SPARCL1: variants seen among roughly 807,000 people sequenced by gnomAD.
SPARCL1 encodes SPARC like 1.
SPARCL1 carries 52 observed loss-of-function variants against 67.1 expected under a neutral mutation model. The ratio of observed to expected loss-of-function variants is 0.78; its 90% confidence interval spans 0.62 to 0.98. The LOEUF is 0.98. SPARCL1 is among the 50% of genes least tolerant of loss of function. SPARCL1 has a pLI of 0.00. For synonymous variants in SPARCL1, 226 were observed against 267.8 expected, an observed-to-expected ratio of 0.84 and a Z score of 1.52; for missense variants, 717 against 782.4, an observed-to-expected ratio of 0.92 and a Z score of 1.00.
intron 10 of SPARCL1, among the ~76,000 whole-genome samples, chr4:87,478,005 T>TTC (rs1723650177): frequency 6.6e-6 from 1 of 152,192 alleles, no homozygotes; most frequent in Non-Finnish European, 1.5e-5. Context: ...TCCTCATACT[T>TTC]TCACCTCTTC....
intron 2 of SPARCL1, among the ~76,000 whole-genome samples, chr4:87,496,363 T>C (rs908126749): frequency 9.9e-5 from 15 of 152,048 alleles, no homozygotes; most frequent in African/African-American, 3.4e-4. Flanking sequence ...ACTGGGACTA[T>C]AGGCACCACC....
At chr4:87,474,897 C>T (rs1052202501) in intron 10 of SPARCL1, among the ~76,000 whole-genome samples, 8 of 152,184 alleles carry the variant, frequency 5.3e-5, no homozygotes, top group South Asian at 2.1e-4. Context: ...CGCCCGCCAC[C>T]ACGCCCGGCT....
intron 8 of SPARCL1, among the ~76,000 whole-genome samples, chr4:87,482,020 A>G (rs1723842629): frequency 6.6e-6 from 1 of 152,222 alleles, no homozygotes; most frequent in Non-Finnish European, 1.5e-5. Context: ...TAATCTTAAT[A>G]TATTACTGAT....
intron 4 of SPARCL1, 95 bp downstream of exon 4, chr4:87,493,487 T>C (rs1483279637): frequency 2.8e-6 from 3 of 1,068,894 alleles, no homozygotes; most frequent in East Asian, 4.9e-5. Flanking sequence ...CTAGTAGACA[T>C]CCATACAGGA....
At chr4:87,528,266 T>C (rs975396082) in intron 1 of SPARCL1, 1 of 152,180 alleles carries the variant, frequency 6.6e-6, no homozygotes, top group African/African-American at 2.4e-5. Context: ...ACCTACATTA[T>C]TGCTTTATTT....
At chr4:87,511,625 G>C (rs1185147431) in intron 1 of SPARCL1, among the ~76,000 whole-genome samples, 2 of 152,158 alleles carry the variant, frequency 1.3e-5, no homozygotes, top group Non-Finnish European at 2.9e-5. Context: ...GTGAGAGAAA[G>C]AAGAGTCACA....
intron 8 of SPARCL1, among the ~76,000 whole-genome samples, chr4:87,481,608 C>T (rs1476875872): frequency 6.6e-6 from 1 of 152,180 alleles, no homozygotes; most frequent in Non-Finnish European, 1.5e-5. Context: ...GTCTTCAACT[C>T]ATAACCTATA....
intron 5 of SPARCL1, 120 bp downstream of exon 5, chr4:87,491,498 G>A: frequency 2.5e-6 from 2 of 792,770 alleles, no homozygotes; most frequent in Admixed American, 1.7e-5. Flanking sequence ...TCCTTGGGGA[G>A]GACTGGGGAG....
intron 1 of SPARCL1, among the ~76,000 whole-genome samples, chr4:87,521,535 C>A (rs186971098): frequency 1.3e-5 from 2 of 152,128 alleles, no homozygotes; most frequent in East Asian, 3.8e-4. Context: ...GTTTCTGAAC[C>A]CTCCAGTCTG....
chr4:87,476,659 C>G (rs1187871325), intron 10 of SPARCL1, among the ~76,000 whole-genome samples: 2 of 152,202 alleles, frequency 1.3e-5, no homozygotes, highest in African/African-American at 4.8e-5. Context: ...TGTGTCAATG[C>G]ATGGTATGCA....
At chr4:87,488,859 C>T (rs552085028) in intron 7 of SPARCL1, among the ~76,000 whole-genome samples, 8 of 152,292 alleles carry the variant, frequency 5.3e-5, no homozygotes, top group Admixed American at 3.3e-4. Context: ...CCACCCAGTC[C>T]GAACTTCCTA....
intron 1 of SPARCL1, among the ~76,000 whole-genome samples, chr4:87,507,738 G>A (rs1368386520): frequency 6.6e-6 from 1 of 152,206 alleles, no homozygotes; most frequent in African/African-American, 2.4e-5. Flanking sequence ...CATAGGTTGA[G>A]GGCTCAGTCT....
At position 87,494,480 on chromosome 4, in the gene SPARCL1, A is replaced by C; in HGVS notation, c.320T>G (p.Leu107Ter). The C allele has an allele frequency of 6.2e-7, 1 of 1,614,010 alleles. No homozygotes were observed. Among genetic ancestry groups the C allele is most frequent in the South Asian group, 1.1e-5 (1 of 91,074 alleles). Reference sequence around the variant, plus strand: ...TGGTGCATACTCCAAATTCACACTTAAGTGACCATCACTGTCCTCTTGATC... The same window carrying C: ...TGGTGCATACTCCAAATTCACACTTCAGTGACCATCACTGTCCTCTTGATC... Reference protein sequence around the residue: ...LKDQEDSDGHLSVNLEYAPTE... With the variant: ...LKDQEDSDGH The change falls in exon 4 of 11, where the codon TTA (leucine) becomes TGA (stop). Residue 107 changes from leucine (L) to a stop codon, truncating the protein, a stop_gained. Transcript: ENST00000282470. LOFTEE classifies it high-confidence loss of function.
chr4:87,495,744 A>G (rs548041677), intron 2 of SPARCL1, among the ~76,000 whole-genome samples: 3 of 152,160 alleles, frequency 2.0e-5, no homozygotes, highest in Non-Finnish European at 4.4e-5. Flanking sequence ...AGCCTGGACA[A>G]CATGGTGAAA....
chr4:87,517,178 T>C (rs10004408), intron 1 of SPARCL1, among the ~76,000 whole-genome samples: 31,640 of 152,098 alleles, frequency 0.21, 3,361 homozygotes, highest in Non-Finnish European at 0.23. Flanking sequence ...GAACTTTTTG[T>C]TGTATTTGGG....
intron 1 of SPARCL1, among the ~76,000 whole-genome samples, chr4:87,514,513 G>C (rs1355713195): frequency 1.3e-5 from 2 of 152,172 alleles, no homozygotes; most frequent in Non-Finnish European, 2.9e-5. Flanking sequence ...ATGTCATTTA[G>C]AATGATCCAA....
At chr4:87,509,578 A>G (rs1396976519) in intron 1 of SPARCL1, among the ~76,000 whole-genome samples, 3 of 152,208 alleles carry the variant, frequency 2.0e-5, no homozygotes, top group African/African-American at 4.8e-5. Context: ...AGGCAGCAGC[A>G]TGGGTGAAGT....
chr4:87,509,788 C>T (rs184659198), intron 1 of SPARCL1, among the ~76,000 whole-genome samples: 1 of 152,164 alleles, frequency 6.6e-6, no homozygotes, highest in Non-Finnish European at 1.5e-5. Flanking sequence ...TGTGTGTGCA[C>T]GCATGTGTGT....
At chr4:87,491,585 T>C (rs2110225515) in intron 5 of SPARCL1, 33 bp downstream of exon 5, 3 of 1,547,954 alleles carry the variant, frequency 1.9e-6, no homozygotes, top group Non-Finnish European at 2.7e-6. Context: ...TTCCTTGATA[T>C]AGTCACAAAC....
Sources: gnomAD v4.1 joint callset for allele counts (sites outside exome capture counted in the v4.1 genomes callset) on GRCh38, gnomAD v4.1.1 for gene constraint, MANE v1.5 for transcripts, NCBI Gene and HGNC (gene_info 2026-07-23, HGNC 2026-07-21) for gene names.